PCNX1: variants seen among roughly 807,000 people sequenced by gnomAD.
PCNX1 encodes the protein pecanex 1.
PCNX1 carries 78 observed loss-of-function variants against 242.2 expected under a neutral mutation model. The observed-to-expected ratio is 0.32, with a 90% CI of 0.27 to 0.39. The LOEUF (loss-of-function observed/expected upper bound fraction) is 0.39. Ranked by LOEUF, PCNX1 falls within the 10% of genes least tolerant of loss-of-function variation. The pLI, the probability that PCNX1 is intolerant of heterozygous loss-of-function variation, is 1.00. For synonymous variants in PCNX1, 1,024 were observed against 1,032.9 expected (o/e 0.99, Z 0.17); for missense variants, 2,581 against 2,856.5 (o/e 0.90, Z 2.20).
chr14:71,089,457 T>C, intron 30 of PCNX1, 115 bp downstream of exon 30: 1 of 765,062 alleles, frequency 1.3e-6, no homozygotes, highest in South Asian at 2.2e-5. Flanking sequence ...ACTGGGTAAT[T>C]TATAAAGGAA....
rs2058241861 is a variant in PCNX1 at position 70,962,242 on chromosome 14, A to T, written c.379A>T (p.Ile127Phe). 2 of 1,608,904 alleles carry T rather than the reference A, an allele frequency of 1.2e-6. No homozygotes were observed. The highest frequency in any genetic ancestry group is 1.7e-6 in the Non-Finnish European group (2 of 1,175,482). The change falls in exon 3 of 36, where the codon ATT (isoleucine) becomes TTT (phenylalanine). Residue 127 changes from isoleucine (I) to phenylalanine (F), a missense_variant. Physicochemically the swap from Ile to Phe is conservative, Grantham distance 21. Transcript: ENST00000304743. ...SNGPSDPGGG[I>F]EMSEFIREAT... Reference sequence around the variant, plus strand: ...TCTCCACAGTGATCCTGGTGGAGGGATTGAAATGTCTGAGTTCATCCGAGA... The same window carrying T: ...TCTCCACAGTGATCCTGGTGGAGGGTTTGAAATGTCTGAGTTCATCCGAGA...
Position 71,110,003 on chromosome 14 carries a change from C to G in PCNX1, c.*68C>G, listed in dbSNP as rs2062724858. 7.2e-6 allele frequency: 10 copies of G among 1,395,110 alleles called. No homozygotes were observed. The highest frequency in any genetic ancestry group is 1.4e-5 in the African/African-American group (1 of 70,718). 86.4% of individuals were successfully genotyped at this position (1,395,110 alleles called of 1,614,324 possible). The stretch of plus-strand genomic sequence containing the variant: ...CCAAGGCATTGGAAAAAGAGAGGAA[C>G]AAGCAGAAGATGCCTGCAGGTATCA... On this transcript the variant is annotated 3_prime_UTR_variant, in exon 36 of 36. Transcript: ENST00000304743.
intron 1 of PCNX1, among the ~76,000 whole-genome samples, chr14:70,931,852 G>A (rs1204215777): frequency 6.6e-6 from 1 of 152,190 alleles, no homozygotes; most frequent in Non-Finnish European, 1.5e-5. Context: ...GGCCAGGCAC[G>A]GTGGCTCACG....
At chr14:70,988,743 AC>A in intron 7 of PCNX1, 44 bp downstream of exon 7, 1 of 1,591,612 alleles carries the variant, frequency 6.3e-7, no homozygotes, top group Non-Finnish European at 8.6e-7. Context: ...GCATGTAACA[AC>A]CCTTCTAATC....
chr14:71,053,767 A>G (rs1234721118), intron 24 of PCNX1, among the ~76,000 whole-genome samples: 1 of 152,244 alleles, frequency 6.6e-6, no homozygotes, highest in Non-Finnish European at 1.5e-5. Flanking sequence ...TCTATTGTAT[A>G]TTAGCATAAA....
chr14:71,023,359 T>A (rs1291435284), intron 13 of PCNX1, 127 bp downstream of exon 13: 1 of 690,532 alleles, frequency 1.4e-6, no homozygotes, highest in Non-Finnish European at 2.6e-6. Context: ...ATGTTATTAT[T>A]TTCCTCATCT....
intron 6 of PCNX1, among the ~76,000 whole-genome samples, chr14:70,981,197 G>GCA (rs553812187): frequency 2.0e-5 from 3 of 152,088 alleles, no homozygotes; most frequent in Non-Finnish European, 4.4e-5. Context: ...TAAGTTCCTG[G>GCA]CACACAGTAA....
chr14:71,077,093 G>A (rs2061736473), intron 28 of PCNX1, among the ~76,000 whole-genome samples: 7 of 152,158 alleles, frequency 4.6e-5, no homozygotes, highest in Admixed American at 3.9e-4. Flanking sequence ...CTAGGTCTAG[G>A]CTGGGGATCA....
chr14:71,086,145 GTC>G (rs2061983902), intron 28 of PCNX1, among the ~76,000 whole-genome samples: 1 of 152,146 alleles, frequency 6.6e-6, no homozygotes, highest in African/African-American at 2.4e-5. Context: ...TTCATTTTGT[GTC>G]TCTAGAAGTT....
intron 22 of PCNX1, among the ~76,000 whole-genome samples, chr14:71,049,576 G>C (rs2060963639): frequency 6.6e-6 from 1 of 152,092 alleles, no homozygotes; most frequent in Admixed American, 6.5e-5. Flanking sequence ...AGCTTTCTGA[G>C]TCATTGCTTT....
At chr14:70,976,766 C>A (rs2058703266) in intron 5 of PCNX1, among the ~76,000 whole-genome samples, 176 bp from the exon 6 acceptor site, 1 of 152,158 alleles carries the variant, frequency 6.6e-6, no homozygotes, top group African/African-American at 2.4e-5. Flanking sequence ...CAGTTCATTT[C>A]GTGAGTAGAA....
intron 1 of PCNX1, among the ~76,000 whole-genome samples, chr14:70,924,297 T>A (rs2056503331): frequency 6.6e-6 from 1 of 151,484 alleles, no homozygotes; most frequent in Non-Finnish European, 1.5e-5. Context: ...CTCAAGATAT[T>A]TTAAAAGAAA....
Position 71,001,296 on chromosome 14 carries a change from A to G in PCNX1, c.2629+5371A>G, listed in dbSNP as rs374357456. Among the ~76,000 whole-genome samples the G allele has an allele frequency of 3.6e-3, 548 of 152,278 alleles. 1 individual carries two copies. The highest frequency in any genetic ancestry group is 0.013 in the African/African-American group (531 of 41,544). ...TTAGGGTAAATAATGTTGAAATGGA[A>G]TTATCGGTCAAGGGGAATATACATT... On this transcript the variant is annotated intron_variant, in intron 8 of 35. Transcript: ENST00000304743.
At chr14:71,058,349 A>G (rs73295570) in intron 26 of PCNX1, among the ~76,000 whole-genome samples, 4,770 of 152,254 alleles carry the variant, frequency 0.031, 220 homozygotes, top group African/African-American at 0.11. Flanking sequence ...AATTTTATAT[A>G]CTGATAAAGT....
At chr14:71,081,952 G>A (rs960536773) in intron 28 of PCNX1, among the ~76,000 whole-genome samples, 2 of 152,210 alleles carry the variant, frequency 1.3e-5, no homozygotes, top group Non-Finnish European at 2.9e-5. Context: ...CGATGTTAGG[G>A]TGTTGATTTT....
At chr14:70,976,346 C>T (rs1218997737) in intron 5 of PCNX1, among the ~76,000 whole-genome samples, 1 of 148,498 alleles carries the variant, frequency 6.7e-6, no homozygotes, top group Non-Finnish European at 1.5e-5. Context: ...AAGTATAGTC[C>T]TTTGTTGCTC....
At chr14:71,044,962 TTAGAA>T (rs1595361696) in intron 19 of PCNX1, among the ~76,000 whole-genome samples, 166 bp from the exon 20 acceptor site, 1 of 152,364 alleles carries the variant, frequency 6.6e-6, no homozygotes, top group East Asian at 1.9e-4. Context: ...TCAAGGCTGA[TTAGAA>T]CAAACTACAT....
rs963315335 is a variant in PCNX1, at chr14:71,109,151, C to G, written c.6744+105C>G. 4.0e-6 allele frequency: 4 copies of G among 1,009,032 alleles called. No individual in the cohort carries two copies. In the African/African-American group the frequency reaches 6.5e-5, roughly 16 times the overall value. The allele number at this position is 1,009,032 out of a possible 1,614,324, so 62.5% of individuals were successfully genotyped here. On this transcript the variant is annotated intron_variant, in intron 34 of 35. Transcript: ENST00000304743. ...TTGTGAATACACACCTTATCTTAGT[C>G]TCAGGACTAGAATATTTTTGAATGT...
chr14:70,942,023 A>G (rs1358503846), intron 1 of PCNX1, among the ~76,000 whole-genome samples: 4 of 152,312 alleles, frequency 2.6e-5, no homozygotes, highest in Admixed American at 6.5e-5. Context: ...TCCAGGTGCC[A>G]TCTGTCACAG....
Sources: allele counts gnomAD v4.1 joint callset (sites outside exome capture counted in the v4.1 genomes callset), GRCh38; gene constraint gnomAD v4.1.1; transcripts MANE v1.5; gene names NCBI Gene and HGNC (gene_info 2026-07-23, HGNC 2026-07-21).